Variants in CRYBG1 observed in about 807,000 individuals in gnomAD.
CRYBG1 encodes crystallin beta-gamma domain containing 1.
CRYBG1 carries 139 observed loss-of-function variants against 189.2 expected under a neutral mutation model. The observed-to-expected ratio is 0.73, with a 90% CI of 0.64 to 0.85. CRYBG1 has a LOEUF of 0.85. Ranked by LOEUF, CRYBG1 falls within the 40% of genes least tolerant of loss-of-function variation. The probability of loss-of-function intolerance (pLI) is 0.00; values close to 1 mark genes in which losing one functional copy is unlikely to be tolerated. For synonymous variants in CRYBG1, 1,023 were observed against 1,017.1 expected (o/e 1.01, Z -0.11); for missense variants, 2,611 against 2,675.8 (o/e 0.98, Z 0.53).
At chr6:106,503,063 C>A (rs79178142) in intron 2 of CRYBG1, among the ~76,000 whole-genome samples, 1 of 152,120 alleles carries the variant, frequency 6.6e-6, no homozygotes, top group East Asian at 1.9e-4. Flanking sequence ...GAAAGCGGCT[C>A]GGGAATATGG....
In CRYBG1 at chr6:106,521,393, C is replaced by G; in HGVS notation, c.4185C>G (p.Phe1395Leu). Residue 1395 changes from phenylalanine (F) to leucine (L), a missense_variant, in exon 4 of 22, where the codon TTC (phenylalanine) becomes TTG (leucine). Transcript: ENST00000633556. ...ANSDTDFMGL[F>L]KSSRYDPSIS... ...GTGACACCGACTTCATGGGTCTTTT[C>G]AAATCAAGCCGGTATGACCCAAGCA... The G allele has an allele frequency of 6.2e-7, 1 of 1,611,476 alleles. No homozygotes were observed. Among genetic ancestry groups the G allele is most frequent in the Non-Finnish European group, 8.5e-7 (1 of 1,179,236 alleles).
chr6:106,560,678 T>C, intron 18 of CRYBG1, 125 bp from the exon 19 acceptor site: 2 of 1,164,990 alleles, frequency 1.7e-6, no homozygotes, highest in Non-Finnish European at 2.3e-6. Flanking sequence ...AAGATCATTT[T>C]TCCCCCAATG....
intron 1 of CRYBG1, among the ~76,000 whole-genome samples, chr6:106,372,872 G>T (rs77465272): frequency 0.056 from 8,473 of 152,218 alleles, 389 homozygotes; most frequent in East Asian, 0.16. Flanking sequence ...TAACTGAGAA[G>T]ACAGAACCTG....
intron 1 of CRYBG1, among the ~76,000 whole-genome samples, chr6:106,384,811 A>G (rs1190586686): frequency 2.0e-5 from 3 of 152,006 alleles, no homozygotes. Flanking sequence ...TAACTCAGAC[A>G]ACATCAATTC....
At position 106,404,789 on chromosome 6, in the gene CRYBG1, G is replaced by A. The variant is rs373295732; in HGVS notation, c.173+43708G>A. Among the ~76,000 whole-genome samples the A allele has an allele frequency of 4.3e-3, 656 of 152,172 alleles. 8 individuals carry two copies. The highest frequency in any genetic ancestry group is 0.016 in the South Asian group (79 of 4,808). Reference sequence around the variant, plus strand: ...CAGGAAGCGCAAGGGGTTGGGGAACGCCCTCCCCAACCCAAGGGAAGCTGT... The same window carrying A: ...CAGGAAGCGCAAGGGGTTGGGGAACACCCTCCCCAACCCAAGGGAAGCTGT... On this transcript the variant is annotated intron_variant, in intron 1 of 21. Transcript: ENST00000633556.
At chr6:106,468,102 C>T (rs1164943610) in intron 2 of CRYBG1, among the ~76,000 whole-genome samples, 1 of 151,784 alleles carries the variant, frequency 6.6e-6, no homozygotes, top group Non-Finnish European at 1.5e-5. Flanking sequence ...GATACTCACA[C>T]CAGTAGAAAG....
intron 2 of CRYBG1, among the ~76,000 whole-genome samples, chr6:106,490,271 G>A (rs1490767815): frequency 6.6e-6 from 1 of 152,202 alleles, no homozygotes; most frequent in African/African-American, 2.4e-5. Flanking sequence ...CAACAACTGT[G>A]GCATAACCAT....
rs145286726 is a variant in CRYBG1, at chr6:106,519,607, T to C, written c.2399T>C (p.Val800Ala). 7.6e-5 allele frequency: 123 copies of C among 1,614,198 alleles called. 1 individual carries two copies. The African/African-American group carries it at 1.4e-3, about 19-fold the overall frequency. ...GATGCTGGCTGCCTTTCAGAACCAG[T>C]GGCTTCTGCTCTGATTCCTGTCAAG... ...QTDAGCLSEP[V>A]ASALIPVKDH... Residue 800 changes from valine to alanine, a missense_variant, in exon 4 of 22, where the codon GTG (valine) becomes GCG (alanine). This residue lies in a region of CRYBG1 where 1,622 missense variants were observed against 1,735.0 expected (regional missense o/e 0.93). Transcript: ENST00000633556.
In CRYBG1 at chr6:106,520,920, G is replaced by GA. The variant is rs776938579; in HGVS notation, c.3718dup (p.Ser1240LysfsTer50). 1.3e-5 allele frequency: 21 copies of GA among 1,614,000 alleles called. No individual in the cohort carries two copies. In the South Asian group the frequency reaches 2.3e-4, roughly 18 times the overall value. ...TGGTGGCATTAAGAGATCGAGACTAGAAAAAAGTGCACTTTTCTCAAGCTT... is the reference window on the plus strand; with the variant it reads ...TGGTGGCATTAAGAGATCGAGACTAGAAAAAAAGTGCACTTTTCTCAAGCTT... On this transcript the variant is annotated frameshift_variant, in exon 4 of 22. Coordinates refer to ENST00000633556, the MANE Select transcript of CRYBG1 (RefSeq NM_001371242.2). LOFTEE classifies it high-confidence loss of function.
intron 2 of CRYBG1, among the ~76,000 whole-genome samples, chr6:106,473,266 T>C (rs1165067531): frequency 6.6e-6 from 1 of 152,168 alleles, no homozygotes; most frequent in Non-Finnish European, 1.5e-5. Flanking sequence ...ACTTTCCACA[T>C]CATCCAGTTT....
intron 2 of CRYBG1, among the ~76,000 whole-genome samples, chr6:106,494,374 A>T (rs1363951814): frequency 6.6e-6 from 1 of 152,182 alleles, no homozygotes; most frequent in Non-Finnish European, 1.5e-5. Context: ...AAGATGGTAC[A>T]TTTTACGTTT....
At chr6:106,407,283 CA>C (rs1391582703) in intron 1 of CRYBG1, among the ~76,000 whole-genome samples, 3 of 151,970 alleles carry the variant, frequency 2.0e-5, no homozygotes, top group African/African-American at 7.2e-5. Context: ...TCAAAAAAGA[CA>C]AAAAAGAGCA....
At chr6:106,554,618 A>G (rs1371424858) in intron 16 of CRYBG1, among the ~76,000 whole-genome samples, 2 of 152,068 alleles carry the variant, frequency 1.3e-5, no homozygotes, top group African/African-American at 4.8e-5. Flanking sequence ...TCAGGAAAAA[A>G]CAAAAAAGGC....
At chr6:106,533,630 T>C (rs1007500393) in intron 8 of CRYBG1, among the ~76,000 whole-genome samples, 1 of 152,074 alleles carries the variant, frequency 6.6e-6, no homozygotes, top group Non-Finnish European at 1.5e-5. Flanking sequence ...ATTTTGAAGG[T>C]AGAACTAACA....
chr6:106,424,698 G>T lies in CRYBG1; in HGVS notation c.174-26996G>T, dbSNP rs191412031. 2.4e-3 allele frequency among the ~76,000 whole-genome samples: 371 copies of T among 152,050 alleles called. 1 individual carries two copies. The highest frequency in any genetic ancestry group is 6.2e-3 in the South Asian group (30 of 4,806). ...GCTGCTCTCAAACTCCTGACCTCAG[G>T]CGATCCGCCTGCCTCAGCCTCCCAA... On this transcript the variant is annotated intron_variant, in intron 1 of 21. Transcript: ENST00000633556.
chr6:106,489,807 A>G (rs1772679008), intron 2 of CRYBG1, among the ~76,000 whole-genome samples: 3 of 149,886 alleles, frequency 2.0e-5, no homozygotes, highest in South Asian at 2.1e-4. Context: ...AAAAAAAAAA[A>G]GAAAGAAAAT....
chr6:106,443,238 T>C (rs958921481), intron 1 of CRYBG1, among the ~76,000 whole-genome samples: 18 of 152,196 alleles, frequency 1.2e-4, no homozygotes, highest in African/African-American at 4.1e-4. Context: ...TTGCATCCAA[T>C]TGACAATGCA....
chr6:106,476,664 G>A (rs1268894986), intron 2 of CRYBG1, among the ~76,000 whole-genome samples: 1 of 152,010 alleles, frequency 6.6e-6, no homozygotes, highest in Non-Finnish European at 1.5e-5. Context: ...TCCTCCCCAT[G>A]AATCACTATT....
In CRYBG1 at chr6:106,520,097, C is replaced by A. The variant is rs146432733; in HGVS notation, c.2889C>A (p.Pro963=). The A allele has an allele frequency of 3.1e-6, 5 of 1,613,984 alleles. No homozygotes were observed. The Admixed American group carries it at 8.3e-5, about 27-fold the overall frequency. The change falls in exon 4 of 22, where the codon CCC becomes CCA. Residue 963 remains proline, a synonymous_variant. Transcript: ENST00000633556. ...VLVQVRSFVL[P]VESTQDVSSQ... is the part of the protein sequence containing the mutation. ...TCCAGGTCAGGTCCTTCGTGCTCCCCGTGGAGAGCACCCAGGATGTGAGCT... is the reference window on the plus strand; with the variant it reads ...TCCAGGTCAGGTCCTTCGTGCTCCCAGTGGAGAGCACCCAGGATGTGAGCT...
Sources: allele counts gnomAD v4.1 joint callset (sites outside exome capture counted in the v4.1 genomes callset), GRCh38; gene constraint gnomAD v4.1.1; regional missense constraint gnomAD v4.1.1; transcripts MANE v1.5; gene names NCBI Gene and HGNC (gene_info 2026-07-23, HGNC 2026-07-21).